Variants in EP300 observed in about 807,000 individuals in gnomAD.
EP300 encodes histone acetyltransferase p300.
Under a neutral mutation model 264.0 loss-of-function variants are expected in EP300, and 31 were observed. The ratio of observed to expected loss-of-function variants is 0.12; its 90% confidence interval spans 0.09 to 0.16. The LOEUF (loss-of-function observed/expected upper bound fraction) is 0.16. Among genes scored for constraint, EP300 ranks in the 10% least tolerant of loss-of-function variants. The pLI, the probability that EP300 is intolerant of heterozygous loss-of-function variation, is 1.00. For missense variants in EP300, 2,766 were observed against 3,052.9 expected (o/e 0.91, Z 2.21); for synonymous variants, 1,340 against 1,045.4 (o/e 1.28, Z -5.44).
At position 41,179,252 on chromosome 22, in the gene EP300, A is replaced by C; in HGVS notation, c.*296A>C. 1 of 403,048 alleles carries C rather than the reference A, an allele frequency of 2.5e-6. No homozygotes were observed. Among genetic ancestry groups the C allele is most frequent in the East Asian group, 4.0e-5 (1 of 24,848 alleles). 25.0% of individuals were successfully genotyped at this position (403,048 alleles called of 1,614,324 possible). ...AGGCTGAGGCCTGTGAAGCCAAACA[A>C]TATGCTCCTGCCTTGCACCTCCAAT... On this transcript the variant is annotated 3_prime_UTR_variant, in exon 31 of 31. Transcript: ENST00000263253.
intron 1 of EP300, among the ~76,000 whole-genome samples, chr22:41,098,876 G>A (rs1306589208): frequency 2.0e-5 from 3 of 152,070 alleles, no homozygotes; most frequent in Non-Finnish European, 2.9e-5. Context: ...TAAGGTGGGT[G>A]CGCACCTTAT....
intron 20 of EP300, among the ~76,000 whole-genome samples, chr22:41,162,509 C>T (rs961102970): frequency 2.6e-5 from 4 of 152,108 alleles, no homozygotes; most frequent in Admixed American, 2.6e-4. Flanking sequence ...TTCTCCATTT[C>T]TGATAAGAGG....
intron 6 of EP300, among the ~76,000 whole-genome samples, chr22:41,134,692 G>C (rs568053178): frequency 6.6e-6 from 1 of 152,264 alleles, no homozygotes; most frequent in South Asian, 2.1e-4. Context: ...ATGACAACCA[G>C]TACTAACTAG....
chr22:41,162,361 C>G (rs1033612), intron 20 of EP300, among the ~76,000 whole-genome samples: 4,847 of 152,106 alleles, frequency 0.032, 459 homozygotes, highest in Admixed American at 0.19. Context: ...AGACTGTTAG[C>G]TTTTGTATGT....
At chr22:41,103,169 TGGG>T (rs941076979) in intron 1 of EP300, among the ~76,000 whole-genome samples, 4 of 152,046 alleles carry the variant, frequency 2.6e-5, no homozygotes, top group African/African-American at 9.7e-5. Flanking sequence ...TTTAATAAAT[TGGG>T]GAGCATAGGA....
At chr22:41,161,327 T>G (rs2059106866) in intron 20 of EP300, among the ~76,000 whole-genome samples, 1 of 152,124 alleles carries the variant, frequency 6.6e-6, no homozygotes, top group Non-Finnish European at 1.5e-5. Flanking sequence ...GTCTAATAGT[T>G]TAATCTCTGG....
intron 4 of EP300, 41 bp from the exon 5 acceptor site, chr22:41,129,849 C>T (rs2145713237): frequency 6.6e-7 from 1 of 1,514,590 alleles, no homozygotes; most frequent in Non-Finnish European, 9.2e-7. Context: ...AATGTAAAAA[C>T]ATTAACCTGC....
chr22:41,143,706 G>T (rs2058995598), intron 10 of EP300, among the ~76,000 whole-genome samples: 1 of 151,980 alleles, frequency 6.6e-6, no homozygotes, highest in Admixed American at 6.6e-5. Flanking sequence ...ATCCCCAGCA[G>T]CTGGAATTAC....
Position 41,117,731 on chromosome 22 carries a change from A to G in EP300, c.639A>G (p.Gly213=), listed in dbSNP as rs1423841798. Residue 213 remains glycine, a synonymous_variant, in exon 2 of 31, where the codon GGA becomes GGG. Coordinates refer to ENST00000263253, the MANE Select transcript of EP300 (RefSeq NM_001429.4). Reference sequence around the variant, plus strand: ...TGCAGTACCCAAACCCAGGCATGGGAAGTGCTGGCAACTTACTGACTGAGC... The same window carrying G: ...TGCAGTACCCAAACCCAGGCATGGGGAGTGCTGGCAACTTACTGACTGAGC... ...QNMQYPNPGM[G]SAGNLLTEPL... is the part of the protein sequence containing the mutation. 6.2e-7 allele frequency: 1 copy of G among 1,614,226 alleles called. No individual in the cohort carries two copies. Among genetic ancestry groups the G allele is most frequent in the South Asian group, 1.1e-5 (1 of 91,086 alleles).
At chr22:41,132,030 T>C (rs1319114071) in intron 6 of EP300, among the ~76,000 whole-genome samples, 1 of 151,934 alleles carries the variant, frequency 6.6e-6, no homozygotes, top group Non-Finnish European at 1.5e-5. Flanking sequence ...ACCCCGTCTC[T>C]ACTAAAAATA....
chr22:41,177,198 C>T lies in EP300; in HGVS notation c.5487C>T (p.Arg1829=), dbSNP rs1234602247. ...QHRLQQAQML[R]RRMASMQRTG... ...GACTACAGCAGGCCCAAATGCTTCGCAGGAGGATGGCCAGCATGCAGCGGA... is the reference window on the plus strand; with the variant it reads ...GACTACAGCAGGCCCAAATGCTTCGTAGGAGGATGGCCAGCATGCAGCGGA... Residue 1829 remains arginine, a synonymous_variant, in exon 31 of 31, where the codon CGC becomes CGT. Coordinates refer to ENST00000263253, the MANE Select transcript of EP300 (RefSeq NM_001429.4). 8.7e-6 allele frequency: 14 copies of T among 1,614,102 alleles called. No individual in the cohort carries two copies. Among genetic ancestry groups the T allele is most frequent in the Admixed American group, 1.7e-5 (1 of 60,012 alleles).
rs139382344 is a variant in EP300 at position 41,178,227 on chromosome 22, C to T, written c.6516C>T (p.His2172=). Residue 2172 remains histidine (H), a synonymous_variant, in exon 31 of 31, where the codon CAC becomes CAT. Coordinates refer to ENST00000263253, the MANE Select transcript of EP300 (RefSeq NM_001429.4). ...AGGCTCAGCAGATGAACATGAACCA[C>T]AACACCATGCCTTCACAATTCCGAG... ...SPQAQQMNMN[H]NTMPSQFRDI... 6.2e-7 allele frequency: 1 copy of T among 1,614,120 alleles called. No individual in the cohort carries two copies.
At chr22:41,160,995 A>T (rs968348872) in intron 20 of EP300, among the ~76,000 whole-genome samples, 1 of 152,226 alleles carries the variant, frequency 6.6e-6, no homozygotes, top group African/African-American at 2.4e-5. Flanking sequence ...TGAGACATCA[A>T]TGAATTAGGG....
Position 41,176,808 on chromosome 22 carries a change from A to C in EP300, c.5097A>C (p.Lys1699Asn). 1 of 1,614,190 alleles carries C rather than the reference A, an allele frequency of 6.2e-7. No homozygotes were observed. The highest frequency in any genetic ancestry group is 1.1e-5 in the South Asian group (1 of 91,072). The change falls in exon 31 of 31, where the codon AAA (lysine) becomes AAC (asparagine). Residue 1699 changes from lysine (K) to asparagine (N), a missense_variant. By Grantham distance (94) the Lys-to-Asn change is moderately conservative. Coordinates refer to ENST00000263253, the MANE Select transcript of EP300 (RefSeq NM_001429.4). ...YDLCITCYNT[K>N]NHDHKMEKLG... ...TGTGTATCACCTGCTATAACACTAA[A>C]AACCATGACCACAAAATGGAGAAAC...
At chr22:41,135,163 GT>G (rs1413319716) in intron 6 of EP300, among the ~76,000 whole-genome samples, 1 of 152,160 alleles carries the variant, frequency 6.6e-6, no homozygotes, top group East Asian at 1.9e-4. Flanking sequence ...GCCTCCCAAA[GT>G]GCTGGGATTA....
chr22:41,133,964 A>G (rs1013373674), intron 6 of EP300, among the ~76,000 whole-genome samples: 2 of 152,170 alleles, frequency 1.3e-5, no homozygotes, highest in African/African-American at 4.8e-5. Context: ...ATAATTTAAG[A>G]TCTAAAATGC....
At position 41,178,206 on chromosome 22, in the gene EP300, T is replaced by C. The variant is rs150898820; in HGVS notation, c.6495T>C (p.Ala2165=). The C allele has an allele frequency of 1.1e-5, 18 of 1,613,678 alleles. No homozygotes were observed. Among genetic ancestry groups the C allele is most frequent in the Non-Finnish European group, 1.4e-5 (17 of 1,179,946 alleles). ...QPPMGGMSPQ[A]QQMNMNHNTM... ...CCATGGGAGGGATGAGCCCCCAGGC[T>C]CAGCAGATGAACATGAACCACAACA... Residue 2165 remains alanine (A), a synonymous_variant, in exon 31 of 31, where the codon GCT becomes GCC. Coordinates refer to ENST00000263253, the MANE Select transcript of EP300 (RefSeq NM_001429.4).
chr22:41,142,608 G>T (rs1055891547), intron 10 of EP300, among the ~76,000 whole-genome samples: 7 of 152,274 alleles, frequency 4.6e-5, no homozygotes, highest in Admixed American at 4.6e-4. Flanking sequence ...TAGACAGGCT[G>T]GGTGCGGTGG....
chr22:41,179,167 G>T lies in EP300; in HGVS notation c.*211G>T. 1 of 612,204 alleles carries T rather than the reference G, an allele frequency of 1.6e-6. No individual in the cohort carries two copies. The highest frequency in any genetic ancestry group is 2.8e-6 in the Non-Finnish European group (1 of 355,620). 37.9% of individuals were successfully genotyped at this position (612,204 alleles called of 1,614,324 possible). On this transcript the variant is annotated 3_prime_UTR_variant, in exon 31 of 31. Coordinates refer to ENST00000263253, the MANE Select transcript of EP300 (RefSeq NM_001429.4). ...ATACAAAGAATATATTTTTGTTATG[G>T]CTGGTTACCACCAGCCTTTCTTCCC...
Sources: allele counts gnomAD v4.1 joint callset (sites outside exome capture counted in the v4.1 genomes callset), GRCh38; gene constraint gnomAD v4.1.1; transcripts MANE v1.5; gene names NCBI Gene and HGNC (gene_info 2026-07-23, HGNC 2026-07-21).